The following HECW1 variants were observed in gnomAD, a reference collection of about 807,000 sequenced individuals.
The protein encoded by HECW1 is HECT, C2 and WW domain containing E3 ubiquitin protein ligase 1, also known as E3 ubiquitin-protein ligase HECW1.
A neutral mutation model predicts 182.3 loss-of-function variants in HECW1; 61 were observed. That is an observed-to-expected ratio of 0.33 (90% confidence interval 0.27 to 0.41). The LOEUF is 0.41. HECW1 is among the 10% of genes least tolerant of loss of function. HECW1 has a pLI of 1.00. For missense variants in HECW1, 1,739 were observed against 2,108.9 expected, an observed-to-expected ratio of 0.82 and a Z score of 3.44; for synonymous variants, 859 against 832.6, an observed-to-expected ratio of 1.03 and a Z score of -0.55.
At chr7:43,266,795 C>A (rs1184009832) in intron 3 of HECW1, among the ~76,000 whole-genome samples, 6 of 152,102 alleles carry the variant, frequency 3.9e-5, no homozygotes, top group Admixed American at 2.6e-4. Context: ...CTACAAAATT[C>A]ATCTATATTC....
At chr7:43,272,527 A>G (rs951922817) in intron 3 of HECW1, among the ~76,000 whole-genome samples, 16 of 152,218 alleles carry the variant, frequency 1.1e-4, no homozygotes, top group African/African-American at 3.9e-4. Context: ...ATGAACAGAC[A>G]CTTCTCAAAA....
chr7:43,369,729 C>A (rs1584659805), intron 6 of HECW1, among the ~76,000 whole-genome samples: 1 of 152,054 alleles, frequency 6.6e-6, no homozygotes, highest in South Asian at 2.1e-4. Context: ...ACTTCTTAAA[C>A]AAAGGCTTTT....
intron 24 of HECW1, among the ~76,000 whole-genome samples, chr7:43,534,735 T>TA (rs1190150543): frequency 2.0e-5 from 3 of 152,350 alleles, no homozygotes; most frequent in African/African-American, 7.2e-5. Flanking sequence ...ATTGAGACCT[T>TA]AACTGTGCCA....
At chr7:43,314,470 G>A (rs1029833438) in intron 4 of HECW1, among the ~76,000 whole-genome samples, 1 of 152,028 alleles carries the variant, frequency 6.6e-6, no homozygotes, top group Non-Finnish European at 1.5e-5. Context: ...AGAAGAGGAG[G>A]TGGTGAAGGG....
At chr7:43,194,309 T>C (rs1794220114) in intron 2 of HECW1, 1 of 152,204 alleles carries the variant, frequency 6.6e-6, no homozygotes, top group Non-Finnish European at 1.5e-5. Flanking sequence ...TTAATCTTAG[T>C]AGACATTTTT....
intron 2 of HECW1, among the ~76,000 whole-genome samples, chr7:43,116,986 G>A (rs1785103624): frequency 6.6e-6 from 1 of 152,182 alleles, no homozygotes; most frequent in Non-Finnish European, 1.5e-5. Context: ...AATAATTAAG[G>A]CTACATGGTG....
chr7:43,539,323 A>G (rs980247844), intron 24 of HECW1, among the ~76,000 whole-genome samples: 1 of 152,220 alleles, frequency 6.6e-6, no homozygotes, highest in African/African-American at 2.4e-5. Flanking sequence ...AACTGTTGAA[A>G]TAGCAGAAAG....
Position 43,290,706 on chromosome 7 carries a change from C to T in HECW1, c.28-21057C>T, listed in dbSNP as rs139729816. Among the ~76,000 whole-genome samples the T allele has an allele frequency of 2.0e-5, 3 of 152,326 alleles. No homozygotes were observed. In the East Asian group the frequency reaches 5.8e-4, roughly 29 times the overall value. ...ACAGGGACGTCATAACGTCCAGAGC[C>T]CCAGTGACAAGTAGTAGGGGATAGT... On this transcript the variant is annotated intron_variant, in intron 3 of 29. Coordinates refer to ENST00000395891, the MANE Select transcript of HECW1 (RefSeq NM_015052.5).
At chr7:43,328,927 A>G (rs1257124859) in intron 5 of HECW1, among the ~76,000 whole-genome samples, 2 of 152,192 alleles carry the variant, frequency 1.3e-5, no homozygotes, top group African/African-American at 4.8e-5. Context: ...TGTCTCTCTT[A>G]GCCCTATTGT....
chr7:43,260,652 A>G (rs1368304934), intron 3 of HECW1, among the ~76,000 whole-genome samples: 1 of 152,158 alleles, frequency 6.6e-6, no homozygotes, highest in Non-Finnish European at 1.5e-5. Flanking sequence ...GGTGGCTTGG[A>G]CTAGTTGATG....
At chr7:43,342,223 G>A (rs1049412471) in intron 5 of HECW1, among the ~76,000 whole-genome samples, 1 of 151,756 alleles carries the variant, frequency 6.6e-6, no homozygotes, top group Non-Finnish European at 1.5e-5. Context: ...TTTACACTTA[G>A]AGTGGAATCA....
At chr7:43,323,367 G>A (rs1397935551) in intron 5 of HECW1, among the ~76,000 whole-genome samples, 8 of 152,210 alleles carry the variant, frequency 5.3e-5, no homozygotes, top group Non-Finnish European at 1.2e-4. Context: ...GCCAGGGCAG[G>A]CAGATTGCTT....
Position 43,505,580 on chromosome 7 carries a change from T to C in HECW1, c.3632-1557T>C, listed in dbSNP as rs150316467. Among the ~76,000 whole-genome samples the C allele has an allele frequency of 7.2e-5, 11 of 152,328 alleles. No homozygotes were observed. In the East Asian group the frequency reaches 2.1e-3, roughly 29 times the overall value. On this transcript the variant is annotated intron_variant, in intron 21 of 29. Coordinates refer to ENST00000395891, the MANE Select transcript of HECW1 (RefSeq NM_015052.5). ...TCTCAGGCCTTGTTTTTGTACCACT[T>C]TGGTCCTTGGACTCTGTGCTCCAGA...
chr7:43,376,587 C>T (rs7811238), intron 6 of HECW1, among the ~76,000 whole-genome samples: 4,417 of 152,144 alleles, frequency 0.029, 234 homozygotes, highest in African/African-American at 0.1. Flanking sequence ...AAATATAGCT[C>T]GGCACAGTGG....
At chr7:43,396,678 A>G (rs907403385) in intron 6 of HECW1, 136 bp from the exon 7 acceptor site, 9 of 624,582 alleles carry the variant, frequency 1.4e-5, no homozygotes, top group East Asian at 5.6e-5. Context: ...GTTTTAATCA[A>G]TAGTTGCCCA....
At chr7:43,363,819 A>G (rs1041528982) in intron 6 of HECW1, among the ~76,000 whole-genome samples, 3 of 152,190 alleles carry the variant, frequency 2.0e-5, no homozygotes, top group Non-Finnish European at 4.4e-5. Flanking sequence ...GGCAGGAACT[A>G]CCCTTCTGGT....
chr7:43,242,648 C>T (rs977426471), intron 2 of HECW1, among the ~76,000 whole-genome samples: 19 of 152,260 alleles, frequency 1.2e-4, no homozygotes, highest in Non-Finnish European at 2.5e-4. Flanking sequence ...TGGCGATGTT[C>T]ACATGGTAAC....
chr7:43,154,993 C>A (rs1373221900), intron 2 of HECW1, among the ~76,000 whole-genome samples: 1 of 152,128 alleles, frequency 6.6e-6, no homozygotes, highest in Non-Finnish European at 1.5e-5. Flanking sequence ...TTTAGTGTAA[C>A]CTTCTGTGAG....
At chr7:43,303,698 C>T (rs1807159126) in intron 3 of HECW1, among the ~76,000 whole-genome samples, 1 of 152,090 alleles carries the variant, frequency 6.6e-6, no homozygotes, top group African/African-American at 2.4e-5. Context: ...GCTTTTTTAG[C>T]ACATGGCTTT....
Sources: gnomAD v4.1 joint callset for allele counts (sites outside exome capture counted in the v4.1 genomes callset) on GRCh38, gnomAD v4.1.1 for gene constraint, MANE v1.5 for transcripts, NCBI Gene and HGNC (gene_info 2026-07-23, HGNC 2026-07-21) for gene names.